PRELID3A: variants seen among roughly 807,000 people sequenced by gnomAD.
The protein encoded by PRELID3A is PRELI domain containing protein 3A.
Under a neutral mutation model 23.0 loss-of-function variants are expected in PRELID3A, and 27 were observed. The ratio of observed to expected loss-of-function variants is 1.17; its 90% CI spans 0.87 to 1.62. PRELID3A has a LOEUF of 1.62. Among genes scored for constraint, PRELID3A ranks in the 40% most tolerant of loss-of-function variants. PRELID3A has a pLI of 0.00. For synonymous variants in PRELID3A, 87 were observed against 86.4 expected (o/e 1.01, Z -0.04); for missense variants, 231 against 231.4 (o/e 1.00, Z 0.01).
intron 2 of PRELID3A, 148 bp downstream of exon 2, chr18:12,420,641 A>G: frequency 1.4e-6 from 1 of 727,614 alleles, no homozygotes; most frequent in South Asian, 2.7e-5. Context: ...CTTTCCTGAG[A>G]TCAGGGGGCG....
At chr18:12,425,464 CA>C (rs1235020532) in intron 3 of PRELID3A, among the ~76,000 whole-genome samples, 7,245 of 93,148 alleles carry the variant, frequency 0.078, 220 homozygotes, top group Middle Eastern at 0.19. Context: ...ACTAAAAATA[CA>C]AAAAAAAAAA....
chr18:12,422,321 C>T (rs1363268598), intron 3 of PRELID3A: 1 of 151,074 alleles, frequency 6.6e-6, no homozygotes, highest in Non-Finnish European at 1.5e-5. Context: ...GTCTCACCCT[C>T]CCAAGTAGCT....
intron 1 of PRELID3A, among the ~76,000 whole-genome samples, chr18:12,408,223 C>A (rs1909787341): frequency 6.6e-6 from 1 of 151,900 alleles, no homozygotes; most frequent in African/African-American, 2.4e-5. Flanking sequence ...GCGCCGGGTA[C>A]GGCCTCTCCC....
intron 3 of PRELID3A, among the ~76,000 whole-genome samples, chr18:12,423,928 T>A (rs916782288): frequency 6.6e-6 from 1 of 152,206 alleles, no homozygotes; most frequent in African/African-American, 2.4e-5. Context: ...TCCCCCAGGA[T>A]GCTCAGTGCT....
intron 3 of PRELID3A, among the ~76,000 whole-genome samples, chr18:12,424,976 C>A (rs1343320518): frequency 6.6e-6 from 1 of 152,080 alleles, no homozygotes; most frequent in East Asian, 1.9e-4. Context: ...AACCCCATCT[C>A]TACTAAAAAT....
intron 1 of PRELID3A, among the ~76,000 whole-genome samples, chr18:12,417,529 A>G (rs2030001142): frequency 6.6e-6 from 1 of 152,226 alleles, no homozygotes; most frequent in Non-Finnish European, 1.5e-5. Flanking sequence ...GCTTAATGCA[A>G]AAATCTCTCA....
intron 3 of PRELID3A, among the ~76,000 whole-genome samples, chr18:12,423,861 C>A (rs1374033158): frequency 6.6e-6 from 1 of 152,216 alleles, no homozygotes; most frequent in Non-Finnish European, 1.5e-5. Context: ...GGCTCCCCTG[C>A]CCCAACCAGA....
chr18:12,415,772 GAC>G (rs1253826868), intron 1 of PRELID3A, among the ~76,000 whole-genome samples: 1 of 152,064 alleles, frequency 6.6e-6, no homozygotes, highest in Non-Finnish European at 1.5e-5. Context: ...TCATCTTCCC[GAC>G]ACTGTTGGTG....
rs534189792 is a variant in PRELID3A at position 12,407,932 on chromosome 18, G to T, written c.-44G>T. 7.8e-7 allele frequency: 1 copy of T among 1,278,284 alleles called. No homozygotes were observed. Among genetic ancestry groups the T allele is most frequent in the Non-Finnish European group, 9.8e-7 (1 of 1,015,708 alleles). The allele number at this position is 1,278,284 out of a possible 1,614,324, so 79.2% of individuals were successfully genotyped here. On this transcript the variant is annotated 5_prime_UTR_variant, in exon 1 of 7. Coordinates refer to ENST00000440960, the MANE Select transcript of PRELID3A (RefSeq NM_001142405.2). ...CGCGCCCGGAGCCGCGCGGCCCGAA[G>T]CACCCGGCCCGGATCGCAGAGCCCG...
rs1372036136 is a variant in PRELID3A at position 12,427,118 on chromosome 18, C to T, written c.362+7C>T. Reference sequence around the variant, plus strand: ...ATCCAGAGAACCCAGAAATGTGAGTCATCTCCTGTGGGATTGACACATTGA... The same window carrying T: ...ATCCAGAGAACCCAGAAATGTGAGTTATCTCCTGTGGGATTGACACATTGA... On this transcript the variant is annotated splice_region_variant and intron_variant, in intron 4 of 6. Transcript: ENST00000440960. The T allele has an allele frequency of 1.2e-6, 2 of 1,610,794 alleles. No homozygotes were observed. The highest frequency in any genetic ancestry group is 1.3e-5 in the African/African-American group (1 of 74,812).
At chr18:12,416,434 C>T (rs924345337) in intron 1 of PRELID3A, among the ~76,000 whole-genome samples, 20 of 152,230 alleles carry the variant, frequency 1.3e-4, no homozygotes, top group African/African-American at 4.8e-4. Context: ...TCAACCTCAG[C>T]CTCCCAAATA....
At position 12,431,307 on chromosome 18, in the gene PRELID3A, C is replaced by T. The variant is rs1326291590; in HGVS notation, c.*191C>T. ...TGACCCCGGGACCAGATGTCCCTCC[C>T]CTCATGAGCGTGCAACAGGGAGCAG... On this transcript the variant is annotated 3_prime_UTR_variant, in exon 7 of 7. Coordinates refer to ENST00000440960, the MANE Select transcript of PRELID3A (RefSeq NM_001142405.2). The T allele has an allele frequency of 6.6e-6, 1 of 152,396 alleles. No individual in the cohort carries two copies. Among genetic ancestry groups the T allele is most frequent in the Non-Finnish European group, 1.5e-5 (1 of 68,224 alleles). The allele number at this position is 152,396 out of a possible 1,614,324, so 9.4% of individuals were successfully genotyped here.
chr18:12,420,991 G>C (rs1009756889), intron 2 of PRELID3A, among the ~76,000 whole-genome samples: 5 of 152,154 alleles, frequency 3.3e-5, no homozygotes, highest in Non-Finnish European at 5.9e-5. Flanking sequence ...CTAGGGCACC[G>C]GGATTAGGCT....
rs1420692908 is a variant in PRELID3A, at chr18:12,431,519, G to GCTGGC, written c.*404_*408dup. On this transcript the variant is annotated 3_prime_UTR_variant, in exon 7 of 7. Transcript: ENST00000440960. ...CCTCCACTTAGGCTCCTCCACAAACGCTGGCGGGTGTGCCGCCCTCCAGCC... is the reference window on the plus strand; with the variant it reads ...CCTCCACTTAGGCTCCTCCACAAACGCTGGCCTGGCGGGTGTGCCGCCCTCCAGCC... The GCTGGC allele has an allele frequency of 8.9e-6, 1 of 112,888 alleles. No homozygotes were observed. Among genetic ancestry groups the GCTGGC allele is most frequent in the East Asian group, 3.0e-4 (1 of 3,322 alleles). The allele number at this position is 112,888 out of a possible 1,614,324, so 7.0% of individuals were successfully genotyped here. A position where few individuals can be genotyped will look rare whatever the true frequency, so the allele number is the denominator to read the frequency against.
intron 1 of PRELID3A, among the ~76,000 whole-genome samples, chr18:12,414,672 G>C (rs1385328851): frequency 6.6e-6 from 1 of 152,158 alleles, no homozygotes; most frequent in Non-Finnish European, 1.5e-5. Flanking sequence ...GTTGCAGTGA[G>C]TTGAGATCAC....
chr18:12,426,368 C>A (rs902082372), intron 3 of PRELID3A, among the ~76,000 whole-genome samples: 2 of 150,684 alleles, frequency 1.3e-5, no homozygotes, highest in South Asian at 2.1e-4. Context: ...TCCTGGCTAA[C>A]ACGGTGAAAC....
At chr18:12,422,234 T>TC (rs2030207555) in intron 3 of PRELID3A, 1 of 145,700 alleles carries the variant, frequency 6.9e-6, no homozygotes, top group African/African-American at 2.6e-5. Flanking sequence ...AGACAGTCTC[T>TC]CTCTCTCACC....
intron 1 of PRELID3A, among the ~76,000 whole-genome samples, chr18:12,412,204 T>TC (rs1909942097): frequency 6.9e-6 from 1 of 145,096 alleles, no homozygotes; most frequent in Non-Finnish European, 1.5e-5. Flanking sequence ...TTTTTTTTTT[T>TC]CCAGGTGGAG....
chr18:12,427,591 A>G (rs1261707660), intron 5 of PRELID3A, among the ~76,000 whole-genome samples: 1 of 151,980 alleles, frequency 6.6e-6, no homozygotes, highest in African/African-American at 2.4e-5. Context: ...GCTACTCGAG[A>G]GTCTGAGACA....
Sources: allele counts gnomAD v4.1 joint callset (sites outside exome capture counted in the v4.1 genomes callset), GRCh38; gene constraint gnomAD v4.1.1; transcripts MANE v1.5; gene names NCBI Gene and HGNC (gene_info 2026-07-23, HGNC 2026-07-21).